KDM4C: variants seen among roughly 807,000 people sequenced by gnomAD.
The protein encoded by KDM4C is lysine-specific demethylase 4C.
In KDM4C, 81 loss-of-function variants were observed where a neutral mutation model predicts 129.3. That is an observed-to-expected ratio of 0.63 (90% confidence interval 0.52 to 0.75). The LOEUF (loss-of-function observed/expected upper bound fraction) is 0.75, where lower values mean the gene tolerates loss of function less well. Among genes scored for constraint, KDM4C ranks in the 30% least tolerant of loss-of-function variants. KDM4C has a pLI of 0.00. For missense variants in KDM4C, 1,457 were observed against 1,304.0 expected (o/e 1.12, Z -1.81); for synonymous variants, 573 against 456.1 (o/e 1.26, Z -3.26).
chr9:7,009,104 C>G (rs546158473), intron 12 of KDM4C, among the ~76,000 whole-genome samples: 2 of 152,272 alleles, frequency 1.3e-5, no homozygotes, highest in African/African-American at 4.8e-5. Flanking sequence ...TAAAGAAGCT[C>G]AATGAGCTGC....
chr9:7,165,151 A>C, intron 19 of KDM4C, 87 bp from the exon 20 acceptor site: 1 of 1,495,818 alleles, frequency 6.7e-7, no homozygotes, highest in Non-Finnish European at 9.1e-7. Context: ...AACTCCTTTT[A>C]ATTGCCAGGA....
intron 1 of KDM4C, among the ~76,000 whole-genome samples, chr9:6,746,264 T>TATATG (rs1588058539): frequency 4.3e-5 from 1 of 23,336 alleles, no homozygotes; most frequent in African/African-American, 1.8e-4. Context: ...ATATATATGT[T>TATATG]TTTTTTTTTT....
At position 7,015,915 on chromosome 9, in the gene KDM4C, A is replaced by C; in HGVS notation, c.2245A>C (p.Asn749His). 1 of 1,612,278 alleles carries C rather than the reference A, an allele frequency of 6.2e-7. No homozygotes were observed. Among genetic ancestry groups the C allele is most frequent in the South Asian group, 1.1e-5 (1 of 90,920 alleles). Residue 749 changes from asparagine (N) to histidine (H), a missense_variant, in exon 15 of 22, where the codon AAT becomes CAT. Asn to His is a moderately conservative substitution (Grantham distance 68). Coordinates refer to ENST00000381309, the MANE Select transcript of KDM4C (RefSeq NM_015061.6). ...DGWLCARCKR[N>H]AWTAECCLCN... is the part of the protein sequence containing the mutation. ...ATGGCTGTGTGCCCGGTGCAAAAGA[A>C]ATGCGTGGACAGCAGTAAGTAGCTT...
chr9:7,066,611 T>C (rs2146787), intron 17 of KDM4C, among the ~76,000 whole-genome samples: 88,226 of 152,034 alleles, frequency 0.58, 26,601 homozygotes, highest in South Asian at 0.68. Context: ...ATTTTTATAG[T>C]GGTATTTGTT....
chr9:7,026,348 A>G (rs1319671095), intron 15 of KDM4C, among the ~76,000 whole-genome samples: 1 of 152,098 alleles, frequency 6.6e-6, no homozygotes, highest in Non-Finnish European at 1.5e-5. Flanking sequence ...TTCACCAGAT[A>G]TACTATTTTA....
At chr9:7,116,389 T>C (rs1207025066) in intron 18 of KDM4C, among the ~76,000 whole-genome samples, 1 of 152,204 alleles carries the variant, frequency 6.6e-6, no homozygotes, top group Non-Finnish European at 1.5e-5. Context: ...GTGTCCTTAC[T>C]GTATCTGAGA....
chr9:6,942,621 C>T (rs1308755839), intron 8 of KDM4C: 1 of 152,164 alleles, frequency 6.6e-6, no homozygotes, highest in Admixed American at 6.6e-5. Context: ...CGTTATGAAA[C>T]TTCTTCCTGT....
chr9:7,046,854 C>G lies in KDM4C; in HGVS notation c.2260-8C>G, dbSNP rs775478520. The G allele has an allele frequency of 6.3e-7, 1 of 1,598,278 alleles. No individual in the cohort carries two copies. The highest frequency in any genetic ancestry group is 8.6e-7 in the Non-Finnish European group (1 of 1,166,378). On this transcript the variant is annotated splice_polypyrimidine_tract_variant and splice_region_variant and intron_variant, in intron 15 of 21. Transcript: ENST00000381309. ...TGGTCATCATGTGGTATTTTCTTTT[C>G]CCCCCAGGAATGCTGTCTCTGCAAT...
At chr9:7,054,972 A>G (rs1830674869) in intron 17 of KDM4C, among the ~76,000 whole-genome samples, 1 of 152,114 alleles carries the variant, frequency 6.6e-6, no homozygotes, top group South Asian at 2.1e-4. Context: ...CAAACTTAGC[A>G]TTGAGACCAT....
chr9:7,170,065 A>G, intron 21 of KDM4C, 175 bp downstream of exon 21: 2 of 1,504,454 alleles, frequency 1.3e-6, no homozygotes, highest in Non-Finnish European at 1.8e-6. Flanking sequence ...TTCAACCAAA[A>G]TCGGGGAAAT....
chr9:7,000,011 A>C (rs1820440678), intron 12 of KDM4C, among the ~76,000 whole-genome samples: 2 of 152,332 alleles, frequency 1.3e-5, no homozygotes, highest in South Asian at 4.1e-4. Flanking sequence ...CAGATTACTA[A>C]GTAGATTGGC....
chr9:7,047,723 T>C (rs1439016622), intron 16 of KDM4C, among the ~76,000 whole-genome samples: 1 of 152,050 alleles, frequency 6.6e-6, no homozygotes, highest in East Asian at 1.9e-4. Flanking sequence ...GAGAGATTTT[T>C]ACATAAAAAT....
intron 15 of KDM4C, among the ~76,000 whole-genome samples, chr9:7,034,218 C>G (rs554123025): frequency 1.3e-5 from 2 of 152,276 alleles, no homozygotes; most frequent in South Asian, 2.1e-4. Flanking sequence ...TGGGAACATG[C>G]AATACCTCCT....
intron 19 of KDM4C, among the ~76,000 whole-genome samples, chr9:7,130,749 A>G (rs1362153830): frequency 6.6e-6 from 1 of 152,054 alleles, no homozygotes; most frequent in African/African-American, 2.4e-5. Flanking sequence ...GGTGAATAGT[A>G]ATGTCTTTTT....
At chr9:6,957,322 C>T (rs111349316) in intron 8 of KDM4C, among the ~76,000 whole-genome samples, 4 of 152,106 alleles carry the variant, frequency 2.6e-5, no homozygotes, top group Non-Finnish European at 4.4e-5. Context: ...ACTAACCCTA[C>T]CATCTATTTT....
intron 8 of KDM4C, among the ~76,000 whole-genome samples, chr9:6,917,522 A>T (rs927850793): frequency 6.6e-6 from 1 of 152,126 alleles, no homozygotes; most frequent in Non-Finnish European, 1.5e-5. Flanking sequence ...TGTTCAACTT[A>T]GCTATTTCTC....
intron 18 of KDM4C, among the ~76,000 whole-genome samples, chr9:7,125,553 C>G (rs1839945625): frequency 6.6e-6 from 1 of 152,150 alleles, no homozygotes; most frequent in Non-Finnish European, 1.5e-5. Flanking sequence ...TGTTTGGTTT[C>G]TAGAAGAAAA....
intron 19 of KDM4C, among the ~76,000 whole-genome samples, chr9:7,139,321 G>A (rs1215750777): frequency 6.6e-6 from 1 of 152,160 alleles, no homozygotes; most frequent in Non-Finnish European, 1.5e-5. Context: ...ATTGCCTTAT[G>A]TGTTATATTA....
intron 8 of KDM4C, among the ~76,000 whole-genome samples, chr9:6,946,842 A>AT (rs772954202): frequency 1.3e-5 from 2 of 151,676 alleles, no homozygotes; most frequent in Non-Finnish European, 3.0e-5. Flanking sequence ...CTAAAACATT[A>AT]TTTTTTGTTT....
Sources: gnomAD v4.1 joint callset for allele counts (sites outside exome capture counted in the v4.1 genomes callset) on GRCh38, gnomAD v4.1.1 for gene constraint, MANE v1.5 for transcripts, NCBI Gene and HGNC (gene_info 2026-07-23, HGNC 2026-07-21) for gene names.